Variants in MSTO1 observed in about 807,000 individuals in gnomAD.
MSTO1 encodes misato mitochondrial distribution and morphology regulator 1.
In MSTO1, 24 loss-of-function variants were observed where a neutral mutation model predicts 55.7. The ratio of observed to expected loss-of-function variants is 0.43; its 90% CI spans 0.31 to 0.61. MSTO1 has a LOEUF of 0.61. Ranked by LOEUF, MSTO1 falls within the 20% of genes least tolerant of loss-of-function variation. The pLI, the probability that MSTO1 is intolerant of heterozygous loss-of-function variation, is 0.09. For missense variants in MSTO1, 363 were observed against 625.7 expected (o/e 0.58, Z 4.48); for synonymous variants, 162 against 252.8 (o/e 0.64, Z 3.41).
At chr1:155,592,158 A>G in the MSTO1 span, among the ~76,000 whole-genome samples, 1 of 152,136 alleles carries the variant, frequency 6.6e-6, no homozygotes, top group South Asian at 2.1e-4. Flanking sequence ...CCTAACACAA[A>G]GGATATTGTT....
chr1:155,605,426 AT>A (rs1484261114), upstream of MSTO1, among the ~76,000 whole-genome samples: 6 of 152,232 alleles, frequency 3.9e-5, no homozygotes, highest in African/African-American at 7.2e-5. Context: ...TTCCAAAAAA[AT>A]ATGGCTTACC....
At chr1:155,593,764 C>T in the MSTO1 span, among the ~76,000 whole-genome samples, 2 of 151,506 alleles carry the variant, frequency 1.3e-5, no homozygotes, top group African/African-American at 4.9e-5. Flanking sequence ...GTCAGGAGAT[C>T]GAGACCATCC....
the MSTO1 span, among the ~76,000 whole-genome samples, chr1:155,577,639 G>A: frequency 3.9e-5 from 6 of 152,152 alleles, no homozygotes; most frequent in African/African-American, 1.4e-4. Context: ...TAGCTTTATC[G>A]TAAGTTTTGG....
chr1:155,589,621 C>T, the MSTO1 span, among the ~76,000 whole-genome samples: 1 of 152,112 alleles, frequency 6.6e-6, no homozygotes, highest in Admixed American at 6.6e-5. Context: ...TGGCTAAAGG[C>T]CTGAGAGCCC....
chr1:155,586,148 T>G, the MSTO1 span, among the ~76,000 whole-genome samples: 1 of 151,992 alleles, frequency 6.6e-6, no homozygotes, highest in Non-Finnish European at 1.5e-5. Context: ...ATGAGCATCT[T>G]TATTTCTATT....
upstream of MSTO1, among the ~76,000 whole-genome samples, chr1:155,606,068 C>G (rs78781022): frequency 9.0e-3 from 1,362 of 152,166 alleles, 7 homozygotes; most frequent in Non-Finnish European, 0.014. Flanking sequence ...GAGTCTTGCT[C>G]TATCACCCAG....
At chr1:155,568,932 A>C in the MSTO1 span, among the ~76,000 whole-genome samples, 2 of 150,454 alleles carry the variant, frequency 1.3e-5, no homozygotes, top group Admixed American at 6.6e-5. Flanking sequence ...GCTCACTGCA[A>C]CCTGCATCTC....
At chr1:155,571,045 G>A in the MSTO1 span, among the ~76,000 whole-genome samples, 1 of 152,146 alleles carries the variant, frequency 6.6e-6, no homozygotes, top group African/African-American at 2.4e-5. Flanking sequence ...ACTGAGGTTG[G>A]CCGGACACAA....
At chr1:155,581,431 G>T in the MSTO1 span, among the ~76,000 whole-genome samples, 1 of 152,070 alleles carries the variant, frequency 6.6e-6, no homozygotes, top group African/African-American at 2.4e-5. Context: ...TTGAGACAGA[G>T]TCTCACTCTG....
the MSTO1 span, among the ~76,000 whole-genome samples, chr1:155,575,808 A>T: frequency 1.4e-5 from 2 of 142,758 alleles, no homozygotes; most frequent in East Asian, 4.0e-4. Flanking sequence ...TTATTTATTT[A>T]TTTATTTATT....
the MSTO1 span, among the ~76,000 whole-genome samples, chr1:155,605,015 C>A: frequency 6.6e-6 from 1 of 152,120 alleles, no homozygotes; most frequent in Non-Finnish European, 1.5e-5. Context: ...AATCCCAGCA[C>A]TTTGGGAGGC....
At chr1:155,563,654 C>T in the MSTO1 span, 2 of 450,878 alleles carry the variant, frequency 4.4e-6, no homozygotes, top group South Asian at 1.6e-5. Flanking sequence ...AAACCATGTG[C>T]TTTTCATTCA....
At chr1:155,601,836 G>C in the MSTO1 span, among the ~76,000 whole-genome samples, 1 of 151,884 alleles carries the variant, frequency 6.6e-6, no homozygotes, top group East Asian at 2.0e-4. Flanking sequence ...TTCACTGCAA[G>C]CTCCGCCTCC....
rs1298768870 is a variant in MSTO1 at position 155,612,053 on chromosome 1, C to G, written c.631C>G (p.Leu211Val). 5.0e-6 allele frequency: 8 copies of G among 1,605,852 alleles called. No individual in the cohort carries two copies. The highest frequency in any genetic ancestry group is 6.8e-6 in the Non-Finnish European group (8 of 1,177,352). The change falls in exon 7 of 14, where the codon CTG becomes GTG. Residue 211 changes from leucine to valine, a missense_variant. Leu to Val is a conservative substitution (Grantham distance 32). Transcript: ENST00000245564. Reference sequence around the variant, plus strand: ...AAAGGAACCCAAGTACCAGGAAGAGCTGGAGGACAGGCTGCATTTCTACGT... The same window carrying G: ...AAAGGAACCCAAGTACCAGGAAGAGGTGGAGGACAGGCTGCATTTCTACGT... ...VLKEPKYQEELEDRLHFYVEE... is the reference protein window; with the variant it reads ...VLKEPKYQEEVEDRLHFYVEE...
the MSTO1 span, among the ~76,000 whole-genome samples, chr1:155,567,263 A>G: frequency 6.6e-6 from 1 of 150,866 alleles, no homozygotes; most frequent in Non-Finnish European, 1.5e-5. Flanking sequence ...AGCTAGGACT[A>G]CAGGTGTGTG....
chr1:155,564,376 C>T, the MSTO1 span, among the ~76,000 whole-genome samples: 1 of 152,146 alleles, frequency 6.6e-6, no homozygotes, highest in Non-Finnish European at 1.5e-5. Flanking sequence ...CGCCTGTAAT[C>T]CCAGCTACTC....
the MSTO1 span, chr1:155,591,175 A>G: frequency 6.2e-7 from 1 of 1,613,124 alleles, no homozygotes; most frequent in African/African-American, 1.3e-5. Flanking sequence ...GTCACTTTCC[A>G]CATGGGCAGG....
the MSTO1 span, among the ~76,000 whole-genome samples, chr1:155,572,976 T>A: frequency 3.3e-5 from 5 of 152,072 alleles, no homozygotes; most frequent in African/African-American, 1.2e-4. Context: ...GAATGGTAGA[T>A]CAAATTCCAT....
At chr1:155,593,306 T>G in the MSTO1 span, among the ~76,000 whole-genome samples, 2 of 152,224 alleles carry the variant, frequency 1.3e-5, no homozygotes, top group African/African-American at 4.8e-5. Flanking sequence ...GTACTTATAG[T>G]GTGTTAAGTA....
Sources: gnomAD v4.1 joint callset for allele counts (sites outside exome capture counted in the v4.1 genomes callset) on GRCh38, gnomAD v4.1.1 for gene constraint, MANE v1.5 for transcripts, NCBI Gene and HGNC (gene_info 2026-07-23, HGNC 2026-07-21) for gene names.